Variants in ZNF382 observed in about 807,000 individuals in gnomAD.
ZNF382 encodes the protein KRAB/zinc finger suppressor protein 1.
A neutral mutation model predicts 38.8 loss-of-function variants in ZNF382; 20 were observed. The observed-to-expected ratio is 0.51, with a 90% CI of 0.36 to 0.75. ZNF382 has a LOEUF of 0.75. ZNF382 is among the 30% of genes least tolerant of loss of function. The pLI is 0.00. For missense variants in ZNF382, 546 were observed against 654.1 expected (o/e 0.83, Z 1.80); for synonymous variants, 202 against 223.1 (o/e 0.91, Z 0.84).
At chr19:36,609,822 A>G (rs756732719) in intron 2 of ZNF382, 80 bp from the exon 3 acceptor site, 6 of 1,320,544 alleles carry the variant, frequency 4.5e-6, no homozygotes, top group Non-Finnish European at 6.1e-6. Context: ...AAACATAAAT[A>G]AGGAAACTAG....
chr19:36,616,252 G>A (rs2037125259), intron 4 of ZNF382, among the ~76,000 whole-genome samples: 2 of 152,112 alleles, frequency 1.3e-5, no homozygotes, highest in Admixed American at 1.3e-4. Context: ...TGCACCTGTA[G>A]ATCCAGCTAT....
chr19:36,610,584 T>C lies in ZNF382; in HGVS notation c.140-66T>C, dbSNP rs1437643140. The C allele has an allele frequency of 3.0e-6, 4 of 1,329,048 alleles. No individual in the cohort carries two copies. In the African/African-American group the frequency reaches 4.4e-5, roughly 15 times the overall value. The allele number at this position is 1,329,048 out of a possible 1,614,324, so 82.3% of individuals were successfully genotyped here. The stretch of plus-strand genomic sequence containing the variant: ...CATTTACTACCTTGAAGTTGTATCT[T>C]TATCTTACTTCAATAGTTTTAAAGT... On this transcript the variant is annotated intron_variant, in intron 3 of 4. Coordinates refer to ENST00000292928, the MANE Select transcript of ZNF382 (RefSeq NM_032825.5).
In ZNF382 at chr19:36,627,342, A is replaced by T. The variant is rs747261457; in HGVS notation, c.1445A>T (p.His482Leu). 1.2e-6 allele frequency: 2 copies of T among 1,614,248 alleles called. No homozygotes were observed. Among genetic ancestry groups the T allele is most frequent in the Admixed American group, 3.3e-5 (2 of 60,030 alleles). ...SFRQKAILTV[H>L]HRIHTGEKSN... ...CGCCAGAAGGCAATCCTCACTGTTCATCACAGAATACATACAGGAGAAAAA... is the reference window on the plus strand; with the variant it reads ...CGCCAGAAGGCAATCCTCACTGTTCTTCACAGAATACATACAGGAGAAAAA... The change falls in exon 5 of 5, where the codon CAT (histidine) becomes CTT (leucine). Residue 482 changes from histidine (H) to leucine (L), a missense_variant. His to Leu is a moderately conservative substitution (Grantham distance 99). Coordinates refer to ENST00000292928, the MANE Select transcript of ZNF382 (RefSeq NM_032825.5).
At chr19:36,616,440 A>G (rs920782195) in intron 4 of ZNF382, among the ~76,000 whole-genome samples, 1 of 152,232 alleles carries the variant, frequency 6.6e-6, no homozygotes, top group Non-Finnish European at 1.5e-5. Context: ...CATAACATAC[A>G]TACATAGACA....
rs2037233532 is a variant in ZNF382, at chr19:36,628,552, C to T, written c.*1002C>T. On this transcript the variant is annotated 3_prime_UTR_variant, in exon 5 of 5. Coordinates refer to ENST00000292928, the MANE Select transcript of ZNF382 (RefSeq NM_032825.5). ...TGTAGAAAAACATTTAGCCACAGCC[C>T]AAATCTTCCAGGCAAATGTAATAAA... 1 of 152,622 alleles carries T rather than the reference C, an allele frequency of 6.6e-6. No individual in the cohort carries two copies. The highest frequency in any genetic ancestry group is 6.6e-5 in the Admixed American group (1 of 15,262). The allele number at this position is 152,622 out of a possible 1,614,324, so 9.5% of individuals were successfully genotyped here.
chr19:36,614,931 CT>C (rs1568628703), intron 4 of ZNF382, among the ~76,000 whole-genome samples: 2 of 75,374 alleles, frequency 2.7e-5, no homozygotes, highest in Non-Finnish European at 5.6e-5. Context: ...TTCCCTTTCC[CT>C]TTCCCTTTCC....
At chr19:36,623,812 C>T (rs3096635) in intron 4 of ZNF382, among the ~76,000 whole-genome samples, 96,895 of 148,926 alleles carry the variant, frequency 0.65, 31,757 homozygotes, top group East Asian at 0.8. Flanking sequence ...AAAAAGGGGC[C>T]GGGCGCAGTG....
chr19:36,612,660 A>G (rs1336876864), intron 4 of ZNF382, among the ~76,000 whole-genome samples: 1 of 152,096 alleles, frequency 6.6e-6, no homozygotes, highest in Non-Finnish European at 1.5e-5. Flanking sequence ...GGTCATTTTG[A>G]CCATTCTGGT....
chr19:36,610,839 C>A, intron 4 of ZNF382, 97 bp downstream of exon 4: 1 of 859,288 alleles, frequency 1.2e-6, no homozygotes, highest in South Asian at 1.6e-5. Flanking sequence ...TGGTAAAATA[C>A]ACATAACATT....
chr19:36,616,830 GC>G (rs990379417), intron 4 of ZNF382, among the ~76,000 whole-genome samples: 2 of 152,036 alleles, frequency 1.3e-5, no homozygotes, highest in Non-Finnish European at 2.9e-5. Context: ...CCCCTTGAGT[GC>G]CCCCAATGTG....
chr19:36,609,722 A>G (rs988222122), intron 2 of ZNF382, 180 bp from the exon 3 acceptor site: 12 of 556,714 alleles, frequency 2.2e-5, no homozygotes, highest in Non-Finnish European at 3.1e-5. Flanking sequence ...AGTCACATTC[A>G]GGACAAATAG....
At chr19:36,623,150 A>G (rs931883765) in intron 4 of ZNF382, among the ~76,000 whole-genome samples, 3 of 152,142 alleles carry the variant, frequency 2.0e-5, no homozygotes, top group Non-Finnish European at 4.4e-5. Context: ...TAGTTATCTT[A>G]TTGATTGTCG....
chr19:36,626,977 C>T lies in ZNF382; in HGVS notation c.1080C>T (p.Ser360=). The T allele has an allele frequency of 1.2e-6, 2 of 1,614,214 alleles. No homozygotes were observed. Among genetic ancestry groups the T allele is most frequent in the Non-Finnish European group, 1.7e-6 (2 of 1,180,038 alleles). The change falls in exon 5 of 5, where the codon TCC becomes TCT. Residue 360 remains serine (S), a synonymous_variant. Transcript: ENST00000292928. ...TTATTTGTATCGATTGTGGGAAGTC[C>T]TTCCGCCAGAAGGCCACCCTCACTA... The part of the protein sequence containing the change: ...KPFICIDCGK[S]FRQKATLTRH...
intron 4 of ZNF382, among the ~76,000 whole-genome samples, chr19:36,613,058 T>C (rs1224629634): frequency 6.6e-6 from 1 of 152,230 alleles, no homozygotes; most frequent in African/African-American, 2.4e-5. Context: ...CCCAAAGTGC[T>C]GGGATTACAG....
intron 4 of ZNF382, among the ~76,000 whole-genome samples, chr19:36,620,622 C>T (rs1173510017): frequency 6.6e-6 from 1 of 152,174 alleles, no homozygotes; most frequent in Non-Finnish European, 1.5e-5. Context: ...CCATTTCTCC[C>T]TTGTCAACTG....
Position 36,627,159 on chromosome 19 carries a change from C to T in ZNF382, c.1262C>T (p.Thr421Ile). ...NECGKAFIQK[T>I]TLTVHQRTHT... Reference sequence around the variant, plus strand: ...TGTGGGAAGGCATTTATCCAGAAGACAACCCTCACTGTTCATCAGAGAACT... The same window carrying T: ...TGTGGGAAGGCATTTATCCAGAAGATAACCCTCACTGTTCATCAGAGAACT... The change falls in exon 5 of 5, where the codon ACA becomes ATA. Residue 421 changes from threonine (T) to isoleucine (I), a missense_variant. By Grantham distance (89) the Thr-to-Ile change is moderately conservative (BLOSUM62 -1). Coordinates refer to ENST00000292928, the MANE Select transcript of ZNF382 (RefSeq NM_032825.5). 2.5e-6 allele frequency: 4 copies of T among 1,614,172 alleles called. No homozygotes were observed. The highest frequency in any genetic ancestry group is 3.4e-6 in the Non-Finnish European group (4 of 1,180,032).
chr19:36,606,355 G>A (rs1190044270), intron 1 of ZNF382, among the ~76,000 whole-genome samples: 1 of 122,252 alleles, frequency 8.2e-6, no homozygotes, highest in African/African-American at 3.1e-5. Flanking sequence ...CACTTTTGTT[G>A]TTGTTTTTTG....
At position 36,621,020 on chromosome 19, in the gene ZNF382, C is replaced by T. The variant is rs184168237; in HGVS notation, c.233-5110C>T. On this transcript the variant is annotated intron_variant, in intron 4 of 4. Coordinates refer to ENST00000292928, the MANE Select transcript of ZNF382 (RefSeq NM_032825.5). ...GTGATGTGCCCACCTTCGCCTCCGA[C>T]AGTGCTGGGATTACAGGCATGAACC... Among the ~76,000 whole-genome samples the T allele has an allele frequency of 9.9e-5, 15 of 152,072 alleles. No homozygotes were observed. In the East Asian group the frequency reaches 2.7e-3, roughly 28 times the overall value.
chr19:36,626,155 C>T lies in ZNF382; in HGVS notation c.258C>T (p.Val86=), dbSNP rs1373354276. ...AAGAAGATGGGAAAACTGAAGATGT[C>T]TTAGTGAAGTTCAAAGAATACCAAG... ...YLEEDGKTED[V]LVKFKEYQDR... Residue 86 remains valine, a synonymous_variant, in exon 5 of 5, where the codon GTC becomes GTT. Transcript: ENST00000292928. 1 of 1,556,168 alleles carries T rather than the reference C, an allele frequency of 6.4e-7. No homozygotes were observed. Among genetic ancestry groups the T allele is most frequent in the Admixed American group, 2.1e-5 (1 of 46,546 alleles).
Sources: allele counts gnomAD v4.1 joint callset (sites outside exome capture counted in the v4.1 genomes callset), GRCh38; gene constraint gnomAD v4.1.1; transcripts MANE v1.5; gene names NCBI Gene and HGNC (gene_info 2026-07-23, HGNC 2026-07-21).